CR1L: variants seen among roughly 807,000 people sequenced by gnomAD.
CR1L encodes the protein complement C3b/C4b receptor 1 like.
Under a neutral mutation model 62.3 loss-of-function variants are expected in CR1L, and 59 were observed. The observed-to-expected ratio is 0.95, with a 90% confidence interval of 0.77 to 1.18. The LOEUF (loss-of-function observed/expected upper bound fraction) is 1.18, where lower values mean the gene tolerates loss of function less well. CR1L is among the 50% of genes most tolerant of loss of function. The pLI, the probability that CR1L is intolerant of heterozygous loss-of-function variation, is 0.00. For missense variants in CR1L, 700 were observed against 702.8 expected, an observed-to-expected ratio of 1.00 and a Z score of 0.04; for synonymous variants, 279 against 248.7, an observed-to-expected ratio of 1.12 and a Z score of -1.15.
intron 5 of CR1L, among the ~76,000 whole-genome samples, chr1:207,695,563 G>A (rs1664065585): frequency 6.6e-6 from 1 of 152,186 alleles, no homozygotes. Context: ...ATCCAGTCAG[G>A]AAATCAAAAC....
intron 4 of CR1L, among the ~76,000 whole-genome samples, chr1:207,690,704 A>G (rs1209301587): frequency 6.6e-6 from 1 of 152,244 alleles, no homozygotes; most frequent in African/African-American, 2.4e-5. Context: ...CCAGAAATCC[A>G]GTTAAGATGT....
intron 1 of CR1L, among the ~76,000 whole-genome samples, chr1:207,659,637 T>C (rs1430170917): frequency 2.0e-5 from 3 of 152,212 alleles, no homozygotes; most frequent in African/African-American, 7.2e-5. Context: ...ACCTGGTTCA[T>C]CTCACTGGGA....
chr1:207,669,328 C>T (rs1663571636), intron 1 of CR1L: 9 of 675,280 alleles, frequency 1.3e-5, no homozygotes, highest in Non-Finnish European at 2.0e-5. Context: ...CCCCGCAGCC[C>T]TCCCCATGCT....
At chr1:207,705,959 A>G (rs1019481275) in intron 9 of CR1L, among the ~76,000 whole-genome samples, 2 of 149,782 alleles carry the variant, frequency 1.3e-5, no homozygotes, top group Admixed American at 1.3e-4. Flanking sequence ...ATATGTAGTC[A>G]GTGTGTTTAT....
At chr1:207,648,208 C>CACACACACACACACACAG (rs1663165208) in intron 1 of CR1L, among the ~76,000 whole-genome samples, 1 of 53,862 alleles carries the variant, frequency 1.9e-5, no homozygotes, top group African/African-American at 6.9e-5. Context: ...CACACACAGA[C>CACACACACACACACACAG]ACACACACAC....
chr1:207,692,591 G>A (rs548375887), intron 4 of CR1L, among the ~76,000 whole-genome samples: 8 of 152,242 alleles, frequency 5.3e-5, no homozygotes, highest in African/African-American at 1.9e-4. Context: ...TGACTGCCTG[G>A]AACATGTGCC....
At chr1:207,710,683 G>A in intron 10 of CR1L, 1 of 1,610,130 alleles carries the variant, frequency 6.2e-7, no homozygotes, top group Non-Finnish European at 8.5e-7. Flanking sequence ...AAGTTGTGGA[G>A]TTTAGGTGTC....
chr1:207,701,903 C>T (rs1224713161), intron 9 of CR1L, among the ~76,000 whole-genome samples: 3 of 152,122 alleles, frequency 2.0e-5, no homozygotes, highest in South Asian at 2.1e-4. Flanking sequence ...ACAACCCTAA[C>T]CCAGAGTAGA....
Position 207,694,407 on chromosome 1 carries a change from G to T in CR1L, c.518G>T (p.Ser173Ile). 1.9e-6 allele frequency: 3 copies of T among 1,613,964 alleles called. No individual in the cohort carries two copies. Among genetic ancestry groups the T allele is most frequent in the Non-Finnish European group, 2.5e-6 (3 of 1,179,870 alleles). Reference sequence around the variant, plus strand: ...GCCAATGGAGATTTCACTAGCATCAGCAGAGAGTATTTTCACTATGGATCA... The same window carrying T: ...GCCAATGGAGATTTCACTAGCATCATCAGAGAGTATTTTCACTATGGATCA... Reference protein sequence around the residue: ...TIANGDFTSISREYFHYGSVV... With the variant: ...TIANGDFTSIIREYFHYGSVV... The change falls in exon 5 of 12, where the codon AGC becomes ATC. Residue 173 changes from serine to isoleucine, a missense_variant. Ser to Ile is a moderately radical substitution (Grantham distance 142). Transcript: ENST00000508064.
chr1:207,718,457 T>C (rs898457113), intron 11 of CR1L, among the ~76,000 whole-genome samples: 1 of 152,236 alleles, frequency 6.6e-6, no homozygotes, highest in African/African-American at 2.4e-5. Flanking sequence ...AGTCTTGCAC[T>C]GTCTCCCAGG....
At chr1:207,647,056 CT>C (rs71781396) in intron 1 of CR1L, among the ~76,000 whole-genome samples, 12,723 of 152,066 alleles carry the variant, frequency 0.084, 779 homozygotes, top group African/African-American at 0.17. Context: ...TAAGCAGGGA[CT>C]TTTTTTGCTC....
At chr1:207,669,910 T>C (rs1477750922) in intron 1 of CR1L, among the ~76,000 whole-genome samples, 1 of 151,202 alleles carries the variant, frequency 6.6e-6, no homozygotes, top group Non-Finnish European at 1.5e-5. Context: ...GCGTCGATCC[T>C]AGCGAAACGG....
intron 11 of CR1L, among the ~76,000 whole-genome samples, chr1:207,720,688 C>T (rs2761425): frequency 0.39 from 59,208 of 151,966 alleles, 12,269 homozygotes; most frequent in Admixed American, 0.51. Flanking sequence ...CCCATATTTA[C>T]GCTGTCTCAA....
chr1:207,685,985 T>A (rs74231795), intron 4 of CR1L, among the ~76,000 whole-genome samples: 5,839 of 151,568 alleles, frequency 0.039, 181 homozygotes, highest in South Asian at 0.12. Flanking sequence ...ATAATTATAA[T>A]TTTATTTAAC....
intron 10 of CR1L, among the ~76,000 whole-genome samples, chr1:207,713,178 G>GT (rs1664388633): frequency 6.6e-6 from 1 of 152,112 alleles, no homozygotes; most frequent in African/African-American, 2.4e-5. Context: ...CTGATCTTGG[G>GT]TACACAGTTG....
At position 207,675,064 on chromosome 1, in the gene CR1L, T is replaced by G. The variant is rs554087701; in HGVS notation, c.98-2325T>G. Among the ~76,000 whole-genome samples the G allele has an allele frequency of 2.5e-4, 38 of 152,306 alleles. No homozygotes were observed. The South Asian group carries it at 7.9e-3, about 32-fold the overall frequency. ...TTTGATCATTGCAACAAATATGCAT[T>G]GAGTGCTTATAACTGAGTGTTAAGC... On this transcript the variant is annotated intron_variant, in intron 1 of 11. Coordinates refer to ENST00000508064, the MANE Select transcript of CR1L (RefSeq NM_175710.2).
chr1:207,701,779 T>C, intron 9 of CR1L, 161 bp downstream of exon 9: 1 of 1,013,520 alleles, frequency 9.9e-7, no homozygotes, highest in South Asian at 1.4e-5. Flanking sequence ...AGGAGAAGAT[T>C]AGGGGAAAAA....
At chr1:207,686,120 C>CT (rs1663902120) in intron 4 of CR1L, among the ~76,000 whole-genome samples, 45 of 13,362 alleles carry the variant, frequency 3.4e-3, no homozygotes, top group South Asian at 0.013. Context: ...CCCTCCCTCC[C>CT]TCCCTTCCTC....
intron 10 of CR1L, among the ~76,000 whole-genome samples, chr1:207,714,917 C>T (rs1653956108): frequency 6.6e-6 from 1 of 152,090 alleles, no homozygotes; most frequent in South Asian, 2.1e-4. Context: ...GCCTCATGAC[C>T]CACTAATGAG....
Sources: gnomAD v4.1 joint callset for allele counts (sites outside exome capture counted in the v4.1 genomes callset) on GRCh38, gnomAD v4.1.1 for gene constraint, MANE v1.5 for transcripts, NCBI Gene and HGNC (gene_info 2026-07-23, HGNC 2026-07-21) for gene names.